TMEM47: variants seen among roughly 807,000 people sequenced by gnomAD.
TMEM47 encodes the protein brain cell membrane protein 1.
In TMEM47, 3 loss-of-function variants were observed where a neutral mutation model predicts 12.4. That is an observed-to-expected ratio of 0.24 (90% CI 0.11 to 0.63). The LOEUF (loss-of-function observed/expected upper bound fraction) is 0.63, where lower values mean the gene tolerates loss of function less well. Among genes scored for constraint, TMEM47 ranks in the 20% least tolerant of loss-of-function variants. TMEM47 has a pLI of 0.86. For synonymous variants in TMEM47, 62 were observed against 63.3 expected (o/e 0.98, Z 0.10); for missense variants, 89 against 143.8 (o/e 0.62, Z 1.95).
chrX:34,649,172 AC>A, intron 1 of TMEM47, among the ~76,000 whole-genome samples: 1 of 111,898 alleles, frequency 8.9e-6, no homozygotes, highest in Middle Eastern at 4.7e-3. Flanking sequence ...AAAAAGAACT[AC>A]CATTCAACCC....
rs2147135581 is a variant in TMEM47 at position 34,628,980 on chromosome X, T to A, written c.*1333A>T. 1 of 111,747 alleles carries A rather than the reference T, an allele frequency of 8.9e-6. No individual in the cohort carries two copies. The highest frequency in any genetic ancestry group is 1.9e-5 in the Non-Finnish European group (1 of 53,078). The allele number at this position is 111,747 out of a possible 1,213,427, so 9.2% of individuals were successfully genotyped here. ...TCCCTTAACATAAATCCATCCTAAG[T>A]GTGTGCACAAATCGGTTAGCCCATC... On this transcript the variant is annotated 3_prime_UTR_variant, in exon 3 of 3. Coordinates refer to ENST00000275954, the MANE Select transcript of TMEM47 (RefSeq NM_031442.4).
chrX:34,649,089 C>T (rs1253413183), intron 1 of TMEM47, among the ~76,000 whole-genome samples: 1 of 111,688 alleles, frequency 9.0e-6, no homozygotes, highest in Non-Finnish European at 1.9e-5. Context: ...CACTTATACA[C>T]AGTTATTGGG....
chrX:34,656,456 G>C (rs1313896170), intron 1 of TMEM47, among the ~76,000 whole-genome samples: 1 of 110,028 alleles, frequency 9.1e-6, no homozygotes, highest in Non-Finnish European at 1.9e-5. Flanking sequence ...TTTTTTAACG[G>C]GGGTGTGGAA....
chrX:34,655,355 G>A (rs1922086538), intron 1 of TMEM47, among the ~76,000 whole-genome samples: 3 of 111,257 alleles, frequency 2.7e-5, no homozygotes, highest in African/African-American at 9.8e-5. Flanking sequence ...CCTGGTTACC[G>A]AAGAAAGAAA....
chrX:34,634,564 A>C (rs1400806918), intron 2 of TMEM47, among the ~76,000 whole-genome samples: 1 of 112,385 alleles, frequency 8.9e-6, no homozygotes, highest in Non-Finnish European at 1.9e-5. Flanking sequence ...GGAGACAGGC[A>C]CACAAGTAAT....
chrX:34,632,695 A>T (rs1921647434), intron 2 of TMEM47, among the ~76,000 whole-genome samples: 1 of 111,934 alleles, frequency 8.9e-6, no homozygotes, highest in Non-Finnish European at 1.9e-5. Context: ...TGATATCCAA[A>T]ATAGAAATCA....
intron 2 of TMEM47, among the ~76,000 whole-genome samples, chrX:34,631,230 C>T (rs1601963813): frequency 1.2e-5 from 1 of 80,416 alleles, no homozygotes; most frequent in Admixed American, 1.4e-4. Flanking sequence ...CCAACTGAAA[C>T]TCTTGTTATT....
rs144635487 is a variant in TMEM47, at chrX:34,631,857, T to C, written c.368-1366A>G. 4.0e-3 allele frequency among the ~76,000 whole-genome samples: 446 copies of C among 112,280 alleles called. 1 individual carries two copies. The highest frequency in any genetic ancestry group is 0.014 in the African/African-American group (435 of 30,927). On this transcript the variant is annotated intron_variant, in intron 2 of 2. Transcript: ENST00000275954. ...CAATTATTATGTAATTTTATTTTAA[T>C]TAGTTTAACTACAATTAGTTAACTA...
chrX:34,649,868 G>A (rs1291554734), intron 1 of TMEM47, among the ~76,000 whole-genome samples: 2 of 110,837 alleles, frequency 1.8e-5, no homozygotes, highest in African/African-American at 6.6e-5. Context: ...TGGGACTACA[G>A]GAGCCCGCAA....
At chrX:34,651,998 AAC>A (rs1922025821) in intron 1 of TMEM47, among the ~76,000 whole-genome samples, 2 of 112,399 alleles carry the variant, frequency 1.8e-5, no homozygotes, top group African/African-American at 6.5e-5. Flanking sequence ...GAAGAAACAT[AAC>A]ACTAACAAAC....
At position 34,629,269 on chromosome X, in the gene TMEM47, CTA is replaced by C. The variant is rs1368820238; in HGVS notation, c.*1042_*1043del. The stretch of plus-strand genomic sequence containing the variant: ...TTTCAATTTTTATTCTTAGGCAACT[CTA>C]TTGACACTTTCCAGTGAAACAGTAA... On this transcript the variant is annotated 3_prime_UTR_variant, in exon 3 of 3. Transcript: ENST00000275954. The C allele has an allele frequency of 9.0e-6, 1 of 111,513 alleles. No individual in the cohort carries two copies. Among genetic ancestry groups the C allele is most frequent in the Non-Finnish European group, 1.9e-5 (1 of 53,106 alleles). The allele number at this position is 111,513 out of a possible 1,213,427, so 9.2% of individuals were successfully genotyped here.
intron 1 of TMEM47, among the ~76,000 whole-genome samples, chrX:34,642,281 T>A (rs1434346071): frequency 1.8e-5 from 2 of 112,860 alleles, no homozygotes; most frequent in Admixed American, 9.4e-5. Context: ...TAGGCAAAGA[T>A]CTTTTAAACT....
intron 1 of TMEM47, among the ~76,000 whole-genome samples, chrX:34,640,707 G>C (rs970004610): frequency 1.2e-4 from 13 of 111,648 alleles, no homozygotes; most frequent in African/African-American, 3.6e-4. Context: ...CTTCCAAAAT[G>C]CACTCTTTGT....
chrX:34,656,756 G>A (rs1379376230), intron 1 of TMEM47, 48 bp downstream of exon 1: 76 of 1,145,206 alleles, frequency 6.6e-5, no homozygotes, highest in Non-Finnish European at 8.3e-5. Context: ...GTGGGGCGCG[G>A]GGCAGTCCGG....
At chrX:34,646,304 A>G (rs1213702954) in intron 1 of TMEM47, among the ~76,000 whole-genome samples, 1 of 112,148 alleles carries the variant, frequency 8.9e-6, no homozygotes, top group African/African-American at 3.2e-5. Flanking sequence ...TTAATAATCT[A>G]AACACAATAA....
chrX:34,641,992 G>T (rs1391086694), intron 1 of TMEM47, among the ~76,000 whole-genome samples: 1 of 112,562 alleles, frequency 8.9e-6, no homozygotes, highest in African/African-American at 3.2e-5. Context: ...GAGTAGCAGG[G>T]ATTACAGGCA....
rs761515128 is a variant in TMEM47 at position 34,627,711 on chromosome X, A to T, written c.*2602T>A. On this transcript the variant is annotated 3_prime_UTR_variant, in exon 3 of 3. Transcript: ENST00000275954. Reference sequence around the variant, plus strand: ...TGTATATCTATATCTATAGATGTAGATCTATATCCATAGATATCTATCTAA... The same window carrying T: ...TGTATATCTATATCTATAGATGTAGTTCTATATCCATAGATATCTATCTAA... The T allele has an allele frequency of 8.9e-6, 1 of 112,164 alleles. No homozygotes were observed. Among genetic ancestry groups the T allele is most frequent in the East Asian group, 2.8e-4 (1 of 3,559 alleles). 9.2% of individuals were successfully genotyped at this position (112,164 alleles called of 1,213,427 possible).
chrX:34,628,981 G>T lies in TMEM47; in HGVS notation c.*1332C>A, dbSNP rs1921562754. On this transcript the variant is annotated 3_prime_UTR_variant, in exon 3 of 3. Coordinates refer to ENST00000275954, the MANE Select transcript of TMEM47 (RefSeq NM_031442.4). ...CCCTTAACATAAATCCATCCTAAGT[G>T]TGTGCACAAATCGGTTAGCCCATCA... 9.0e-6 allele frequency: 1 copy of T among 111,478 alleles called. No homozygotes were observed. The highest frequency in any genetic ancestry group is 1.9e-5 in the Non-Finnish European group (1 of 53,028). The allele number at this position is 111,478 out of a possible 1,213,427, so 9.2% of individuals were successfully genotyped here.
intron 1 of TMEM47, among the ~76,000 whole-genome samples, chrX:34,656,398 C>A (rs1466264394): frequency 4.6e-5 from 5 of 109,008 alleles, no homozygotes; most frequent in African/African-American, 6.7e-5. Context: ...GACCGAACAG[C>A]GAACCCCCGC....
Sources: allele counts gnomAD v4.1 joint callset (sites outside exome capture counted in the v4.1 genomes callset), GRCh38; gene constraint gnomAD v4.1.1; transcripts MANE v1.5; gene names NCBI Gene and HGNC (gene_info 2026-07-23, HGNC 2026-07-21).